Variants in GAP43 observed in about 807,000 individuals in gnomAD.
GAP43 encodes the protein growth associated protein 43.
GAP43 carries 6 observed loss-of-function variants against 18.6 expected under a neutral mutation model. That is an observed-to-expected ratio of 0.32 (90% CI 0.18 to 0.64). GAP43 has a LOEUF of 0.64. GAP43 is among the 30% of genes least tolerant of loss of function. The probability of loss-of-function intolerance (pLI) is 0.78; values close to 1 mark genes in which losing one functional copy is unlikely to be tolerated. For synonymous variants in GAP43, 115 were observed against 111.4 expected, an observed-to-expected ratio of 1.03 and a Z score of -0.20; for missense variants, 292 against 295.5, an observed-to-expected ratio of 0.99 and a Z score of 0.09.
intron 2 of GAP43, among the ~76,000 whole-genome samples, chr3:115,715,397 G>A (rs541167747): frequency 6.6e-6 from 1 of 152,180 alleles, no homozygotes; most frequent in Admixed American, 6.5e-5. Flanking sequence ...CCAGGTCATT[G>A]CTTCTACTCA....
chr3:115,624,439 A>G (rs1708158413), intron 1 of GAP43, among the ~76,000 whole-genome samples: 1 of 152,016 alleles, frequency 6.6e-6, no homozygotes, highest in African/African-American at 2.4e-5. Flanking sequence ...CCACGCCCCT[A>G]GGAGCTCCGA....
chr3:115,624,586 T>G lies in GAP43; in HGVS notation c.30+867T>G, dbSNP rs557806340. On this transcript the variant is annotated intron_variant, in intron 1 of 2. Coordinates refer to ENST00000305124, the MANE Select transcript of GAP43 (RefSeq NM_002045.4). ...CTGGATAATAAGTATGGTGACTCAT[T>G]TTCATCAGGAAGAGGGACACATCCA... Among the ~76,000 whole-genome samples the G allele has an allele frequency of 2.0e-5, 3 of 152,256 alleles. No individual in the cohort carries two copies. In the South Asian group the frequency reaches 6.2e-4, roughly 32 times the overall value.
chr3:115,647,557 G>A (rs895656718), intron 1 of GAP43, among the ~76,000 whole-genome samples: 3 of 151,852 alleles, frequency 2.0e-5, no homozygotes, highest in African/African-American at 4.8e-5. Context: ...AAAACTAGGA[G>A]AGTGCCCAGT....
intron 1 of GAP43, among the ~76,000 whole-genome samples, chr3:115,657,304 G>A (rs940614715): frequency 1.3e-5 from 2 of 152,108 alleles, no homozygotes; most frequent in Non-Finnish European, 2.9e-5. Flanking sequence ...GCTTAGGTGT[G>A]TGTTCACCCC....
intron 2 of GAP43, among the ~76,000 whole-genome samples, chr3:115,700,654 G>GTCTT (rs1559805137): frequency 6.6e-6 from 1 of 152,026 alleles, no homozygotes; most frequent in East Asian, 1.9e-4. Flanking sequence ...CAGTGAAAAA[G>GTCTT]TCTTTTTCTT....
intron 2 of GAP43, among the ~76,000 whole-genome samples, chr3:115,688,405 G>A (rs963994798): frequency 4.6e-5 from 7 of 152,156 alleles, no homozygotes; most frequent in African/African-American, 1.4e-4. Flanking sequence ...TTATACTCCA[G>A]TGTCAACATA....
At chr3:115,629,675 C>G (rs762391164) in intron 1 of GAP43, among the ~76,000 whole-genome samples, 1 of 151,986 alleles carries the variant, frequency 6.6e-6, no homozygotes, top group Non-Finnish European at 1.5e-5. Context: ...TGGTGTCTAC[C>G]CTGTGAGCTT....
intron 1 of GAP43, among the ~76,000 whole-genome samples, chr3:115,674,239 GTT>G (rs1417183628): frequency 5.9e-5 from 9 of 152,180 alleles, no homozygotes; most frequent in Non-Finnish European, 1.3e-4. Context: ...TTGCTGTGTT[GTT>G]CTTTGCTGTT....
chr3:115,663,956 G>A lies in GAP43; in HGVS notation c.31-12057G>A, dbSNP rs1299596426. The A allele has an allele frequency of 1.9e-6, 3 of 1,542,006 alleles. No homozygotes were observed. In the African/African-American group the frequency reaches 4.1e-5, roughly 21 times the overall value. On this transcript the variant is annotated intron_variant, in intron 1 of 2. Transcript: ENST00000305124. ...CATGTAACCTATACAAGTATTTTAG[G>A]TTAAAACCCTGACTCTGCCACTTAC... is the stretch of plus-strand genomic sequence containing the variant.
chr3:115,652,356 C>CTTTTTTTT (rs71141831), intron 1 of GAP43, among the ~76,000 whole-genome samples: 545 of 43,812 alleles, frequency 0.012, 128 homozygotes, highest in Middle Eastern at 0.048. Flanking sequence ...ATCCAGCATT[C>CTTTTTTTT]TTTTTTTTTT....
At chr3:115,636,965 T>C (rs1708336885) in intron 1 of GAP43, among the ~76,000 whole-genome samples, 1 of 152,116 alleles carries the variant, frequency 6.6e-6, no homozygotes, top group South Asian at 2.1e-4. Flanking sequence ...CCACCCAGAC[T>C]TAGTATAAAT....
At chr3:115,704,359 C>A (rs936260974) in intron 2 of GAP43, among the ~76,000 whole-genome samples, 1 of 151,970 alleles carries the variant, frequency 6.6e-6, no homozygotes, top group Non-Finnish European at 1.5e-5. Context: ...TTTTCATTCT[C>A]CAGTAACTCT....
intron 1 of GAP43, among the ~76,000 whole-genome samples, chr3:115,652,229 T>G (rs1708526629): frequency 6.6e-6 from 1 of 152,086 alleles, no homozygotes; most frequent in African/African-American, 2.4e-5. Flanking sequence ...AGATATTATC[T>G]TTTGTATTAT....
chr3:115,628,745 A>G (rs147795886), intron 1 of GAP43, among the ~76,000 whole-genome samples: 261 of 152,170 alleles, frequency 1.7e-3, no homozygotes, highest in African/African-American at 5.9e-3. Context: ...CCCCAAATCT[A>G]TGATCTCCTG....
At chr3:115,701,139 T>G (rs1709292366) in intron 2 of GAP43, among the ~76,000 whole-genome samples, 1 of 152,186 alleles carries the variant, frequency 6.6e-6, no homozygotes. Context: ...TAAGTGACTA[T>G]TTTAGCTACC....
chr3:115,676,325 G>C lies in GAP43; in HGVS notation c.343G>C (p.Glu115Gln). ...GETPSEEKKG[E>Q]GDAATEQAAP... ...AACTCCTTCCGAGGAGAAGAAGGGG[G>C]AGGGTGATGCTGCCACAGAGCAGGC... Residue 115 changes from glutamate (E) to glutamine (Q), a missense_variant, in exon 2 of 3, where the codon GAG becomes CAG. By Grantham distance (29) the Glu-to-Gln change is conservative (BLOSUM62 2). Transcript: ENST00000305124. The C allele has an allele frequency of 1.2e-6, 2 of 1,614,134 alleles. No individual in the cohort carries two copies. Among genetic ancestry groups the C allele is most frequent in the Non-Finnish European group, 1.7e-6 (2 of 1,180,020 alleles).
At chr3:115,683,142 C>CGT (rs1708981797) in intron 2 of GAP43, among the ~76,000 whole-genome samples, 3 of 122,908 alleles carry the variant, frequency 2.4e-5, no homozygotes, top group South Asian at 2.6e-4. Flanking sequence ...CGTGCGCGCG[C>CGT]GCGCGCACAC....
At chr3:115,672,248 T>C (rs1245079906) in intron 1 of GAP43, among the ~76,000 whole-genome samples, 2 of 152,204 alleles carry the variant, frequency 1.3e-5, no homozygotes, top group Non-Finnish European at 2.9e-5. Flanking sequence ...GGGCCAGGGC[T>C]GTCCCTTTTG....
chr3:115,633,588 G>A (rs1248295424), intron 1 of GAP43, among the ~76,000 whole-genome samples: 1 of 152,100 alleles, frequency 6.6e-6, no homozygotes, highest in Non-Finnish European at 1.5e-5. Flanking sequence ...ATCACTGATG[G>A]CTCTAAAAGG....
Sources: allele counts gnomAD v4.1 joint callset (sites outside exome capture counted in the v4.1 genomes callset), GRCh38; gene constraint gnomAD v4.1.1; transcripts MANE v1.5; gene names NCBI Gene and HGNC (gene_info 2026-07-23, HGNC 2026-07-21).